ROCK2: variants seen among roughly 807,000 people sequenced by gnomAD.
The protein encoded by ROCK2 is rho-associated protein kinase 2.
Under a neutral mutation model 195.1 loss-of-function variants are expected in ROCK2, and 61 were observed. The observed-to-expected ratio is 0.31, with a 90% CI of 0.25 to 0.39. ROCK2 has a LOEUF of 0.39. ROCK2 is among the 10% of genes least tolerant of loss of function. The probability of loss-of-function intolerance (pLI) is 1.00; values close to 1 mark genes in which losing one functional copy is unlikely to be tolerated. For synonymous variants in ROCK2, 504 were observed against 545.5 expected, an observed-to-expected ratio of 0.92 and a Z score of 1.06; for missense variants, 1,109 against 1,637.4, an observed-to-expected ratio of 0.68 and a Z score of 5.57.
In ROCK2 at chr2:11,344,544, G is replaced by T; in HGVS notation, c.-408C>A. The T allele has an allele frequency of 1.0e-5, 10 of 963,358 alleles. No individual in the cohort carries two copies. The highest frequency in any genetic ancestry group is 1.2e-5 in the Non-Finnish European group (10 of 811,478). The allele number at this position is 963,358 out of a possible 1,614,324, so 59.7% of individuals were successfully genotyped here. A position where few individuals can be genotyped will look rare whatever the true frequency, so the allele number is the denominator to read the frequency against. On this transcript the variant is annotated 5_prime_UTR_variant, in exon 1 of 33. Transcript: ENST00000315872. The surrounding 1 kb of genome is among the most constrained non-coding windows in gnomAD (Gnocchi z 5.4). ...TGAAGCCCAGGCCTGGGCCACTACG[G>T]CCGCCGCCGGCCCGCTGCCATGGTC...
In ROCK2 at chr2:11,201,749, G is replaced by C. The variant is rs1490458130; in HGVS notation, c.2619+303C>G. Among the ~76,000 whole-genome samples, 1 of 152,038 alleles carries C rather than the reference G, an allele frequency of 6.6e-6. No individual in the cohort carries two copies. The highest frequency in any genetic ancestry group is 1.5e-5 in the Non-Finnish European group (1 of 67,994). On this transcript the variant is annotated intron_variant, in intron 21 of 32. Transcript: ENST00000315872. The surrounding 1 kb of genome is among the most constrained non-coding windows in gnomAD (Gnocchi z 4.6). ...ATTGGCTTAAATCAATAAAACAGGA[G>C]TTTCTACTTCATATTTTTAAAACTG... is the stretch of plus-strand genomic sequence containing the variant.
Position 11,331,042 on chromosome 2 carries a change from GGGA to G in ROCK2, c.141+12951_141+12953del, listed in dbSNP as rs140676493. The stretch of plus-strand genomic sequence containing the variant: ...AAGGAGGGAGGAGGAGGGAGGAGGA[GGGA>G]GGAGGAGGAGGAGAAGAAGAAGAAA... On this transcript the variant is annotated intron_variant, in intron 1 of 32. Coordinates refer to ENST00000315872, the MANE Select transcript of ROCK2 (RefSeq NM_004850.5). 7.7e-5 allele frequency among the ~76,000 whole-genome samples: 10 copies of G among 130,418 alleles called. No individual in the cohort carries two copies. The South Asian group carries it at 1.1e-3, about 14-fold the overall frequency. The allele number at this position is 130,418 out of a possible 152,430, so 85.6% of individuals were successfully genotyped here.
At chr2:11,343,886 T>C (rs1314967056) in intron 1 of ROCK2, 110 bp downstream of exon 1, 1 of 1,333,030 alleles carries the variant, frequency 7.5e-7, no homozygotes, top group Non-Finnish European at 1.0e-6. Flanking sequence ...CAGGGCGGGG[T>C]GGGGCAAGAC....
In ROCK2 at chr2:11,213,351, C is replaced by T. The variant is rs530786947; in HGVS notation, c.2043+1006G>A. Among the ~76,000 whole-genome samples, 15 of 152,248 alleles carry T rather than the reference C, an allele frequency of 9.9e-5. No homozygotes were observed. The South Asian group carries it at 3.1e-3, about 32-fold the overall frequency. Reference sequence around the variant, plus strand: ...TCAAAATTTCTTAATAGAGTATTCGCTATCTTGCATGATCTACCTCATGCC... The same window carrying T: ...TCAAAATTTCTTAATAGAGTATTCGTTATCTTGCATGATCTACCTCATGCC... On this transcript the variant is annotated intron_variant, in intron 17 of 32. Transcript: ENST00000315872.
At chr2:11,223,672 C>T (rs760020410) in intron 7 of ROCK2, among the ~76,000 whole-genome samples, 2 of 152,066 alleles carry the variant, frequency 1.3e-5, no homozygotes, top group Non-Finnish European at 2.9e-5. Context: ...AGGGTGTGAG[C>T]ATCCTCTTGT....
In ROCK2 at chr2:11,219,018, C is replaced by G; in HGVS notation, c.1268G>C (p.Ser423Thr). 1 of 1,462,170 alleles carries G rather than the reference C, an allele frequency of 6.8e-7. No homozygotes were observed. The highest frequency in any genetic ancestry group is 1.4e-5 in the African/African-American group (1 of 72,116). 90.6% of individuals were successfully genotyped at this position (1,462,170 alleles called of 1,614,324 possible). ...AGTTTCTCTACAAGATGGAGAGTCA[C>G]TTAATAATCTACATGGAAGGGGGGA... The part of the protein sequence containing the change: ...FTYYRENLLL[S>T]DSPSCRETDS... Residue 423 changes from serine (S) to threonine (T), a missense_variant, in exon 10 of 33, where the codon AGT (serine) becomes ACT (threonine). Transcript: ENST00000315872.
At chr2:11,275,257 CAA>C (rs71393869) in intron 3 of ROCK2, among the ~76,000 whole-genome samples, 21 of 110,578 alleles carry the variant, frequency 1.9e-4, no homozygotes, top group Admixed American at 3.8e-4. Context: ...GACTTCATGT[CAA>C]AAAAAAAAAA....
rs1023209735 is a variant in ROCK2 at position 11,180,254 on chromosome 2, A to G, written c.*3183T>C. 6.6e-6 allele frequency: 1 copy of G among 152,254 alleles called. No homozygotes were observed. The highest frequency in any genetic ancestry group is 1.5e-5 in the Non-Finnish European group (1 of 68,058). 9.4% of individuals were successfully genotyped at this position (152,254 alleles called of 1,614,324 possible). A position where few individuals can be genotyped will look rare whatever the true frequency, so the allele number is the denominator to read the frequency against. On this transcript the variant is annotated 3_prime_UTR_variant, in exon 33 of 33. Transcript: ENST00000315872. ...TACCACCAGAATCCTAGAAGAGAGT[A>G]ACAGCAGCAGCATAACTTCTTAAAA...
intron 1 of ROCK2, among the ~76,000 whole-genome samples, chr2:11,307,627 A>T (rs1020552578): frequency 1.3e-5 from 2 of 152,194 alleles, no homozygotes; most frequent in African/African-American, 4.8e-5. Context: ...ACATTATCTT[A>T]AAGAGACTTC....
At chr2:11,221,470 G>A (rs993792395) in intron 8 of ROCK2, 113 bp from the exon 9 acceptor site, 1 of 710,124 alleles carries the variant, frequency 1.4e-6, no homozygotes, top group African/African-American at 1.9e-5. Flanking sequence ...ATTTGTAGCA[G>A]CGCATTTGCC....
chr2:11,300,224 A>T (rs1242746965), intron 1 of ROCK2, among the ~76,000 whole-genome samples: 4 of 152,160 alleles, frequency 2.6e-5, no homozygotes, highest in African/African-American at 9.7e-5. Flanking sequence ...TAGGAATAAT[A>T]ATTTATCAAC....
In ROCK2 at chr2:11,218,959, T is replaced by C. The variant is rs1195942486; in HGVS notation, c.1320+7A>G. 7.1e-7 allele frequency: 1 copy of C among 1,413,458 alleles called. No individual in the cohort carries two copies. The highest frequency in any genetic ancestry group is 9.8e-7 in the Non-Finnish European group (1 of 1,023,320). The allele number at this position is 1,413,458 out of a possible 1,614,324, so 87.6% of individuals were successfully genotyped here. ...AAATAACTACAGCAGTAAAAATGTA[T>C]ACGTACTTCATTTTTCCTTGATTGT... is the stretch of plus-strand genomic sequence containing the variant. On this transcript the variant is annotated splice_region_variant and intron_variant, in intron 10 of 32. Transcript: ENST00000315872.
intron 1 of ROCK2, among the ~76,000 whole-genome samples, chr2:11,299,902 T>TA (rs1272445982): frequency 6.6e-6 from 1 of 152,232 alleles, no homozygotes; most frequent in Non-Finnish European, 1.5e-5. Flanking sequence ...AAACACTTTT[T>TA]AAAAATCAGA....
rs1664256519 is a variant in ROCK2 at position 11,211,781 on chromosome 2, T to C, written c.2103A>G (p.Leu701=). The C allele has an allele frequency of 6.2e-7, 1 of 1,613,256 alleles. No individual in the cohort carries two copies. The highest frequency in any genetic ancestry group is 1.3e-5 in the African/African-American group (1 of 74,908). Residue 701 remains leucine, a synonymous_variant, in exon 18 of 33, where the codon CTA becomes CTG. Transcript: ENST00000315872. ...TYQLKVIQQS[L]EQEEAEHKAT... ...CCTTATGTTCAGCTTCTTCTTGTTC[T>C]AGGCTCTGCTGTATAACTTTTAGTT...
At chr2:11,334,677 T>C (rs1008248418) in intron 1 of ROCK2, among the ~76,000 whole-genome samples, 8 of 151,046 alleles carry the variant, frequency 5.3e-5, no homozygotes, top group African/African-American at 1.4e-4. Flanking sequence ...TATTAAGCAT[T>C]TGTCAACACA....
intron 1 of ROCK2, among the ~76,000 whole-genome samples, chr2:11,296,155 A>G (rs1356635742): frequency 6.6e-6 from 1 of 152,140 alleles, no homozygotes; most frequent in Non-Finnish European, 1.5e-5. Context: ...TCTATCTAGT[A>G]ACTAAGAATG....
chr2:11,309,420 A>T (rs1351502607), intron 1 of ROCK2, among the ~76,000 whole-genome samples: 10 of 152,184 alleles, frequency 6.6e-5, no homozygotes, highest in Non-Finnish European at 1.5e-4. Context: ...CAGTATACAC[A>T]AAATAAAGAT....
Position 11,283,021 on chromosome 2 carries a change from C to G in ROCK2, c.324+3518G>C, listed in dbSNP as rs574618591. Among the ~76,000 whole-genome samples the G allele has an allele frequency of 4.6e-5, 7 of 152,292 alleles. No individual in the cohort carries two copies. In the South Asian group the frequency reaches 8.3e-4, roughly 18 times the overall value. On this transcript the variant is annotated intron_variant, in intron 3 of 32. Transcript: ENST00000315872. ...GTGGCTCATGCCTATAATCCCAGCA[C>G]TTTAGGAGGCCAAGGTGGGCAGATT...
chr2:11,207,714 C>A lies in ROCK2; in HGVS notation c.2549+12G>T. 1 of 1,589,626 alleles carries A rather than the reference C, an allele frequency of 6.3e-7. No homozygotes were observed. The highest frequency in any genetic ancestry group is 1.1e-5 in the South Asian group (1 of 88,370). ...ATTATGCATATTAAAACATCTCAAT[C>A]AATTAACTTACTTTCGAAGTTCAGC... On this transcript the variant is annotated intron_variant, in intron 20 of 32. Transcript: ENST00000315872.
Sources: allele counts gnomAD v4.1 joint callset (sites outside exome capture counted in the v4.1 genomes callset), GRCh38; gene constraint gnomAD v4.1.1; non-coding constraint Gnocchi (gnomAD v3.1); transcripts MANE v1.5; gene names NCBI Gene and HGNC (gene_info 2026-07-23, HGNC 2026-07-21).